The following GNA14 variants were observed in gnomAD, a reference collection of about 807,000 sequenced individuals.
GNA14 encodes G protein subunit alpha 14.
Under a neutral mutation model 42.0 loss-of-function variants are expected in GNA14, and 50 were observed. The ratio of observed to expected loss-of-function variants is 1.19; its 90% CI spans 0.95 to 1.51. GNA14 has a LOEUF of 1.51. Among genes scored for constraint, GNA14 ranks in the 40% most tolerant of loss-of-function variants. GNA14 has a pLI of 0.00. For synonymous variants in GNA14, 173 were observed against 163.1 expected (o/e 1.06, Z -0.46); for missense variants, 473 against 446.2 (o/e 1.06, Z -0.54).
At chr9:77,632,863 T>C (rs2118010154) in intron 1 of GNA14, among the ~76,000 whole-genome samples, 1 of 152,208 alleles carries the variant, frequency 6.6e-6, no homozygotes, top group South Asian at 2.1e-4. Flanking sequence ...TTGGCAGGTG[T>C]GGGACTCAGG....
intron 2 of GNA14, among the ~76,000 whole-genome samples, chr9:77,492,774 G>C (rs1314964134): frequency 1.3e-5 from 2 of 151,860 alleles, no homozygotes; most frequent in Admixed American, 6.6e-5. Flanking sequence ...GGCCAAGGCA[G>C]GCAGATCACT....
chr9:77,527,199 A>C (rs1837453339), intron 2 of GNA14, among the ~76,000 whole-genome samples: 2 of 152,242 alleles, frequency 1.3e-5, no homozygotes, highest in Non-Finnish European at 2.9e-5. Context: ...TCTTCACTGA[A>C]GTCATCTTAA....
intron 1 of GNA14, among the ~76,000 whole-genome samples, chr9:77,542,893 C>G (rs1837677726): frequency 6.6e-6 from 1 of 152,178 alleles, no homozygotes; most frequent in Non-Finnish European, 1.5e-5. Flanking sequence ...CTCAGGGCCT[C>G]TGGTAGTGAG....
At chr9:77,458,791 A>G (rs1836052186) in intron 2 of GNA14, among the ~76,000 whole-genome samples, 3 of 152,124 alleles carry the variant, frequency 2.0e-5, no homozygotes, top group Admixed American at 2.0e-4. Flanking sequence ...TCCCGAGGGG[A>G]CACAGCAGAA....
At chr9:77,588,554 G>A (rs1201963604) in intron 1 of GNA14, among the ~76,000 whole-genome samples, 1 of 152,120 alleles carries the variant, frequency 6.6e-6, no homozygotes, top group East Asian at 1.9e-4. Context: ...GGGGTGAGAA[G>A]AGAAGGAAAG....
intron 2 of GNA14, among the ~76,000 whole-genome samples, chr9:77,458,808 G>A (rs1469238856): frequency 6.7e-6 from 1 of 149,604 alleles, no homozygotes; most frequent in Non-Finnish European, 1.5e-5. Context: ...AGAAATCAGG[G>A]CCCATTTATT....
intron 1 of GNA14, among the ~76,000 whole-genome samples, chr9:77,615,728 C>T (rs1823802334): frequency 6.6e-6 from 1 of 151,528 alleles, no homozygotes; most frequent in Admixed American, 6.6e-5. Context: ...CACACACACA[C>T]ACACACACAC....
At chr9:77,523,206 C>T (rs988153914) in intron 2 of GNA14, among the ~76,000 whole-genome samples, 3 of 152,162 alleles carry the variant, frequency 2.0e-5, no homozygotes, top group East Asian at 1.9e-4. Context: ...ATACCTGACA[C>T]TGGGCAATTT....
At chr9:77,467,107 T>C (rs1398318570) in intron 2 of GNA14, among the ~76,000 whole-genome samples, 1 of 151,636 alleles carries the variant, frequency 6.6e-6, no homozygotes, top group African/African-American at 2.4e-5. Context: ...GACTAGTAGC[T>C]CAGAGTTACT....
chr9:77,466,491 ATTG>A (rs1480606219), intron 2 of GNA14, among the ~76,000 whole-genome samples: 1 of 152,060 alleles, frequency 6.6e-6, no homozygotes, highest in Non-Finnish European at 1.5e-5. Context: ...GTATTCAGTC[ATTG>A]TTGTCATTCT....
chr9:77,500,399 G>T (rs1587801920), intron 2 of GNA14, among the ~76,000 whole-genome samples: 1 of 152,258 alleles, frequency 6.6e-6, no homozygotes, highest in East Asian at 1.9e-4. Flanking sequence ...TGATATAATT[G>T]AAGATTCACA....
intron 2 of GNA14, among the ~76,000 whole-genome samples, chr9:77,474,081 T>C (rs772648535): frequency 2.0e-5 from 3 of 152,162 alleles, no homozygotes; most frequent in African/African-American, 2.4e-5. Flanking sequence ...ATAAATCTTT[T>C]TGACCTTTGG....
chr9:77,617,607 G>C (rs1388316189), intron 1 of GNA14, among the ~76,000 whole-genome samples: 1 of 152,038 alleles, frequency 6.6e-6, no homozygotes, highest in African/African-American at 2.4e-5. Context: ...TTTTTAAAAA[G>C]ACCATCAAAT....
chr9:77,429,067 G>A (rs1279699426), intron 4 of GNA14, 31 bp from the exon 5 acceptor site: 1 of 1,611,782 alleles, frequency 6.2e-7, no homozygotes, highest in Non-Finnish European at 8.5e-7. Flanking sequence ...TCCTTCAAAG[G>A]TTGGAATACA....
intron 1 of GNA14, among the ~76,000 whole-genome samples, chr9:77,557,032 T>G (rs1295132161): frequency 6.6e-6 from 1 of 152,224 alleles, no homozygotes; most frequent in Non-Finnish European, 1.5e-5. Flanking sequence ...GAAGAAATCA[T>G]TCTCAGCCAG....
chr9:77,631,153 A>G (rs972223855), intron 1 of GNA14, among the ~76,000 whole-genome samples: 1 of 152,166 alleles, frequency 6.6e-6, no homozygotes, highest in African/African-American at 2.4e-5. Context: ...CCTTCCTATC[A>G]TGTTGCTTTT....
intron 2 of GNA14, among the ~76,000 whole-genome samples, chr9:77,506,285 A>G (rs1248707736): frequency 7.0e-6 from 1 of 142,108 alleles, no homozygotes; most frequent in African/African-American, 2.6e-5. Context: ...CTGTCTCTTA[A>G]AAAAAAAAAA....
intron 2 of GNA14, among the ~76,000 whole-genome samples, chr9:77,502,874 G>T (rs1240404346): frequency 1.3e-5 from 2 of 152,168 alleles, no homozygotes; most frequent in East Asian, 1.9e-4. Context: ...CTTAAACTTT[G>T]TCTGTCTTCT....
At chr9:77,492,045 G>T (rs7031101) in intron 2 of GNA14, among the ~76,000 whole-genome samples, 3 of 152,030 alleles carry the variant, frequency 2.0e-5, no homozygotes, top group South Asian at 2.1e-4. Flanking sequence ...TAAACAATAC[G>T]CTCCTGAATG....
Sources: gnomAD v4.1 joint callset for allele counts (sites outside exome capture counted in the v4.1 genomes callset) on GRCh38, gnomAD v4.1.1 for gene constraint, MANE v1.5 for transcripts, NCBI Gene and HGNC (gene_info 2026-07-23, HGNC 2026-07-21) for gene names.